ADGRV1: variants seen among roughly 807,000 people sequenced by gnomAD.
The protein encoded by ADGRV1 is adhesion G protein-coupled receptor V1.
In ADGRV1, 359 loss-of-function variants were observed where a neutral mutation model predicts 596.2. That is an observed-to-expected ratio of 0.60 (90% CI 0.55 to 0.66). ADGRV1 has a LOEUF of 0.66. ADGRV1 is among the 30% of genes least tolerant of loss of function. The pLI is 0.00. For synonymous variants in ADGRV1, 2,681 were observed against 2,679.2 expected (o/e 1.00, Z -0.02); for missense variants, 7,274 against 7,575.6 (o/e 0.96, Z 1.48).
At chr5:91,135,112 G>C (rs901323504) in intron 87 of ADGRV1, among the ~76,000 whole-genome samples, 1 of 150,482 alleles carries the variant, frequency 6.6e-6, no homozygotes, top group African/African-American at 2.5e-5. Context: ...ACCAGAAGGA[G>C]AGGTTGCAGT....
intron 83 of ADGRV1, among the ~76,000 whole-genome samples, chr5:90,888,448 T>C (rs1770506995): frequency 6.6e-6 from 1 of 152,130 alleles, no homozygotes; most frequent in Non-Finnish European, 1.5e-5. Flanking sequence ...AAATATAAAA[T>C]AGCAATATCT....
At chr5:90,819,790 A>G (rs865880525) in intron 75 of ADGRV1, among the ~76,000 whole-genome samples, 2 of 152,080 alleles carry the variant, frequency 1.3e-5, no homozygotes, top group Admixed American at 1.3e-4. Context: ...ATAGTTTGTT[A>G]TAATCTCTGT....
At position 91,052,296 on chromosome 5, in the gene ADGRV1, TA is replaced by T. The variant is rs562888315; in HGVS notation, c.18153-20137del. ...TCCATGTTTTCTTGAACATTTCTTC[TA>T]AAAAAAAAAAAAAGTGTATTTTAGA... On this transcript the variant is annotated intron_variant, in intron 85 of 89. Transcript: ENST00000405460. Among the ~76,000 whole-genome samples, 1,356 of 137,438 alleles carry T rather than the reference TA, an allele frequency of 9.9e-3. 13 individuals are homozygous for T. Among genetic ancestry groups the T allele is most frequent in the African/African-American group, 0.024 (885 of 37,636 alleles). 90.2% of individuals were successfully genotyped at this position (137,438 alleles called of 152,430 possible). A position where few individuals can be genotyped will look rare whatever the true frequency, so the allele number is the denominator to read the frequency against.
chr5:90,650,725 ATG>A (rs35121265), intron 17 of ADGRV1, among the ~76,000 whole-genome samples: 8 of 150,952 alleles, frequency 5.3e-5, no homozygotes, highest in African/African-American at 9.7e-5. Flanking sequence ...CTGTATGTGT[ATG>A]TGTGTGTGTG....
At chr5:91,029,890 ACT>A (rs937546068) in intron 85 of ADGRV1, among the ~76,000 whole-genome samples, 5 of 152,106 alleles carry the variant, frequency 3.3e-5, no homozygotes, top group African/African-American at 9.7e-5. Flanking sequence ...TCAATGTCAT[ACT>A]CTCTTACAGT....
chr5:91,143,532 A>G (rs147592853), intron 87 of ADGRV1, among the ~76,000 whole-genome samples: 41 of 152,298 alleles, frequency 2.7e-4, no homozygotes, highest in Non-Finnish European at 4.3e-4. Flanking sequence ...GAGACACCAG[A>G]GTAGGTAGCT....
intron 89 of ADGRV1, among the ~76,000 whole-genome samples, chr5:91,159,241 A>T (rs776325386): frequency 5.0e-4 from 76 of 152,296 alleles, no homozygotes; most frequent in Admixed American, 8.5e-4. Flanking sequence ...TTTCCAGATT[A>T]AAAAAATCAT....
intron 1 of ADGRV1, among the ~76,000 whole-genome samples, chr5:90,563,328 AG>A (rs2151941463): frequency 6.6e-6 from 1 of 152,340 alleles, no homozygotes; most frequent in South Asian, 2.1e-4. Context: ...GTTGAGTGCT[AG>A]GTCTTATGTA....
chr5:90,733,072 G>A (rs909407382), intron 50 of ADGRV1, among the ~76,000 whole-genome samples: 5 of 152,198 alleles, frequency 3.3e-5, no homozygotes, highest in Admixed American at 3.3e-4. Flanking sequence ...GGCAAGAGTT[G>A]AAGAGGGCCT....
At chr5:90,968,591 G>GAAA (rs1778679698) in intron 84 of ADGRV1, among the ~76,000 whole-genome samples, 1 of 152,142 alleles carries the variant, frequency 6.6e-6, no homozygotes, top group South Asian at 2.1e-4. Flanking sequence ...GACCACAAGG[G>GAAA]AAAAAGTCAG....
intron 44 of ADGRV1, 111 bp from the exon 45 acceptor site, chr5:90,720,824 G>T: frequency 1.2e-6 from 1 of 829,490 alleles, no homozygotes. Flanking sequence ...TCTCATCTTG[G>T]ATTGTGTAAA....
intron 21 of ADGRV1, among the ~76,000 whole-genome samples, chr5:90,667,684 G>C (rs982976927): frequency 6.6e-6 from 1 of 151,924 alleles, no homozygotes; most frequent in African/African-American, 2.4e-5. Flanking sequence ...GAGGAGAGGC[G>C]CTCTGCTTTT....
At chr5:90,608,471 A>G (rs1320743090) in intron 1 of ADGRV1, among the ~76,000 whole-genome samples, 7 of 152,138 alleles carry the variant, frequency 4.6e-5, no homozygotes, top group Non-Finnish European at 8.8e-5. Context: ...AATCAAAACA[A>G]TTTTAGATTT....
intron 76 of ADGRV1, 73 bp downstream of exon 76, chr5:90,823,669 T>C (rs1763812412): frequency 1.5e-6 from 2 of 1,306,562 alleles, no homozygotes; most frequent in South Asian, 2.6e-5. Context: ...TTAAAACCAC[T>C]ATTGAAACTT....
intron 83 of ADGRV1, among the ~76,000 whole-genome samples, chr5:90,894,475 C>T (rs758020164): frequency 2.9e-4 from 44 of 152,034 alleles, no homozygotes; most frequent in Non-Finnish European, 6.0e-4. Context: ...TGGGGATGGC[C>T]GGCTGTGGGG....
intron 83 of ADGRV1, among the ~76,000 whole-genome samples, chr5:90,944,158 G>A (rs1229490572): frequency 6.6e-6 from 1 of 152,106 alleles, no homozygotes; most frequent in Non-Finnish European, 1.5e-5. Context: ...TAACCAAAAA[G>A]TATTTATTTA....
At chr5:90,760,143 G>A (rs1216880705) in intron 58 of ADGRV1, among the ~76,000 whole-genome samples, 1 of 151,372 alleles carries the variant, frequency 6.6e-6, no homozygotes, top group East Asian at 1.9e-4. Flanking sequence ...AGGTGTGGTG[G>A]CGCATGCTTG....
At chr5:90,650,175 T>C (rs1768383781) in intron 17 of ADGRV1, among the ~76,000 whole-genome samples, 1 of 152,202 alleles carries the variant, frequency 6.6e-6, no homozygotes, top group Admixed American at 6.5e-5. Context: ...TGGCAGTGGC[T>C]GTTTATCCTG....
At position 90,900,856 on chromosome 5, in the gene ADGRV1, A is replaced by G. The variant is rs73771112; in HGVS notation, c.17856+36999A>G. ...TAAAAGAAAATAAAATATGTCCCCT[A>G]CCCCAAAATACAAAGAATAAAATAA... On this transcript the variant is annotated intron_variant, in intron 83 of 89. Coordinates refer to ENST00000405460, the MANE Select transcript of ADGRV1 (RefSeq NM_032119.4). 5.1e-3 allele frequency among the ~76,000 whole-genome samples: 779 copies of G among 152,250 alleles called. 7 individuals carry two copies. Among genetic ancestry groups the G allele is most frequent in the African/African-American group, 0.017 (718 of 41,550 alleles).
Sources: gnomAD v4.1 joint callset for allele counts (sites outside exome capture counted in the v4.1 genomes callset) on GRCh38, gnomAD v4.1.1 for gene constraint, MANE v1.5 for transcripts, NCBI Gene and HGNC (gene_info 2026-07-23, HGNC 2026-07-21) for gene names.